SPATS2L: variants seen among roughly 807,000 people sequenced by gnomAD.
The protein encoded by SPATS2L is spermatogenesis associated serine rich 2 like.
In SPATS2L, 30 loss-of-function variants were observed where a neutral mutation model predicts 59.6. The observed-to-expected ratio is 0.50, with a 90% CI of 0.38 to 0.68. SPATS2L has a LOEUF of 0.68. Among genes scored for constraint, SPATS2L ranks in the 30% least tolerant of loss-of-function variants. The probability of loss-of-function intolerance (pLI) is 0.00; values close to 1 mark genes in which losing one functional copy is unlikely to be tolerated. For synonymous variants in SPATS2L, 252 were observed against 263.5 expected (o/e 0.96, Z 0.42); for missense variants, 615 against 700.0 (o/e 0.88, Z 1.37).
chr2:200,406,980 G>A (rs2082708591), intron 3 of SPATS2L, among the ~76,000 whole-genome samples: 1 of 152,138 alleles, frequency 6.6e-6, no homozygotes, highest in Admixed American at 6.5e-5. Context: ...GAGGTAGGAG[G>A]TTCTCTAAGA....
chr2:200,426,914 A>G (rs2083614637), intron 6 of SPATS2L, among the ~76,000 whole-genome samples: 1 of 152,114 alleles, frequency 6.6e-6, no homozygotes, highest in South Asian at 2.1e-4. Context: ...TTCTTTATGT[A>G]TGATAAAGCA....
chr2:200,311,707 T>C (rs2079197083), intron 1 of SPATS2L, among the ~76,000 whole-genome samples: 1 of 152,220 alleles, frequency 6.6e-6, no homozygotes, highest in South Asian at 2.1e-4. Context: ...TTTAATTGTT[T>C]AGTAAGCCTT....
chr2:200,322,389 A>G (rs2079591971), intron 1 of SPATS2L, among the ~76,000 whole-genome samples: 1 of 152,224 alleles, frequency 6.6e-6, no homozygotes, highest in Admixed American at 6.5e-5. Flanking sequence ...TGTCAAAGGA[A>G]TTGTATGTTT....
chr2:200,427,282 A>C (rs1344476809), intron 6 of SPATS2L, among the ~76,000 whole-genome samples: 1 of 152,048 alleles, frequency 6.6e-6, no homozygotes, highest in Non-Finnish European at 1.5e-5. Flanking sequence ...ATTATTATGC[A>C]TTGTATACCT....
At chr2:200,418,960 T>C (rs77893153) in intron 5 of SPATS2L, among the ~76,000 whole-genome samples, 1,541 of 152,314 alleles carry the variant, frequency 0.01, 22 homozygotes, top group African/African-American at 0.035. Context: ...AACCTCAAGT[T>C]GCTCAAATAA....
chr2:200,338,412 CCAGA>C (rs775329259), intron 2 of SPATS2L, among the ~76,000 whole-genome samples: 1 of 151,960 alleles, frequency 6.6e-6, no homozygotes, highest in Non-Finnish European at 1.5e-5. Flanking sequence ...AGTGGGAGGG[CCAGA>C]CAATGAAGAA....
intron 1 of SPATS2L, among the ~76,000 whole-genome samples, chr2:200,325,491 G>C (rs1179171076): frequency 6.6e-6 from 1 of 152,152 alleles, no homozygotes; most frequent in East Asian, 1.9e-4. Context: ...TAATTCTGCT[G>C]CCTCAGCCTC....
chr2:200,315,218 G>T (rs1483127423), intron 1 of SPATS2L, among the ~76,000 whole-genome samples: 1 of 152,214 alleles, frequency 6.6e-6, no homozygotes, highest in African/African-American at 2.4e-5. Context: ...CCAGAGGTAT[G>T]AAATGTTTGG....
At chr2:200,460,055 A>G (rs531655006) in intron 9 of SPATS2L, among the ~76,000 whole-genome samples, 106 of 152,340 alleles carry the variant, frequency 7.0e-4, no homozygotes, top group African/African-American at 2.4e-3. Context: ...AGGTGAGTAC[A>G]TGGCAGGATG....
chr2:200,376,210 A>C (rs1237192967), intron 2 of SPATS2L, among the ~76,000 whole-genome samples: 6 of 152,222 alleles, frequency 3.9e-5, no homozygotes, highest in African/African-American at 7.2e-5. Flanking sequence ...TGTTAAAGTC[A>C]TGTATATTTG....
rs546267025 is a variant in SPATS2L at position 200,480,604 on chromosome 2, C to T, written c.*2573C>T. ...CAGACTGGTCTCGAACTCCGGAGCT[C>T]AAGTGATCTTCCTGCTTTGGCCTCC... On this transcript the variant is annotated 3_prime_UTR_variant, in exon 13 of 13. Coordinates refer to ENST00000409140, the MANE Select transcript of SPATS2L (RefSeq NM_001100423.2). 1 of 152,602 alleles carries T rather than the reference C, an allele frequency of 6.6e-6. No homozygotes were observed. The highest frequency in any genetic ancestry group is 6.5e-5 in the Admixed American group (1 of 15,304). The allele number at this position is 152,602 out of a possible 1,614,324, so 9.5% of individuals were successfully genotyped here. A position where few individuals can be genotyped will look rare whatever the true frequency, so the allele number is the denominator to read the frequency against.
chr2:200,329,833 T>G (rs1485455156), intron 2 of SPATS2L, among the ~76,000 whole-genome samples: 6 of 151,822 alleles, frequency 4.0e-5, no homozygotes, highest in Admixed American at 3.9e-4. Flanking sequence ...TAGAAAAGAA[T>G]TATGGCTAAG....
At chr2:200,307,649 C>G (rs1415598602) in intron 1 of SPATS2L, among the ~76,000 whole-genome samples, 1 of 152,222 alleles carries the variant, frequency 6.6e-6, no homozygotes, top group African/African-American at 2.4e-5. Flanking sequence ...TCGCGCTGGA[C>G]GCCGGCGCAC....
intron 4 of SPATS2L, 81 bp downstream of exon 4, chr2:200,412,500 GA>G: frequency 3.6e-5 from 26 of 721,796 alleles, no homozygotes; most frequent in Non-Finnish European, 5.8e-5. Context: ...TAAATGAACT[GA>G]ATATCAATTC....
chr2:200,363,836 C>G (rs1373127617), intron 2 of SPATS2L, among the ~76,000 whole-genome samples: 1 of 152,162 alleles, frequency 6.6e-6, no homozygotes, highest in Admixed American at 6.5e-5. Flanking sequence ...TCAGTCTCCA[C>G]CTGCATGGCT....
chr2:200,431,517 G>C (rs1441677854), intron 6 of SPATS2L, among the ~76,000 whole-genome samples: 2 of 152,152 alleles, frequency 1.3e-5, no homozygotes, highest in South Asian at 4.1e-4. Flanking sequence ...AAGATCAGAT[G>C]ATGTGCTTTG....
chr2:200,324,551 C>T (rs945280565), intron 1 of SPATS2L, among the ~76,000 whole-genome samples: 5 of 152,188 alleles, frequency 3.3e-5, no homozygotes, highest in African/African-American at 1.2e-4. Context: ...AGTGTCTCCT[C>T]TGCACCAGGC....
chr2:200,389,117 T>A (rs974054271), intron 2 of SPATS2L, 106 bp from the exon 3 acceptor site: 20 of 680,818 alleles, frequency 2.9e-5, no homozygotes, highest in Non-Finnish European at 4.2e-5. Flanking sequence ...AAAATGATAT[T>A]TATGATTATG....
At chr2:200,430,540 T>A (rs1379459945) in intron 6 of SPATS2L, among the ~76,000 whole-genome samples, 1 of 152,082 alleles carries the variant, frequency 6.6e-6, no homozygotes, top group African/African-American at 2.4e-5. Context: ...TTAAATGATA[T>A]TAAACGGCCT....
Sources: allele counts gnomAD v4.1 joint callset (sites outside exome capture counted in the v4.1 genomes callset), GRCh38; gene constraint gnomAD v4.1.1; transcripts MANE v1.5; gene names NCBI Gene and HGNC (gene_info 2026-07-23, HGNC 2026-07-21).